MRTFA: variants seen among roughly 807,000 people sequenced by gnomAD.
MRTFA encodes the protein myocardin-related transcription factor A.
Under a neutral mutation model 83.5 loss-of-function variants are expected in MRTFA, and 20 were observed. The ratio of observed to expected loss-of-function variants is 0.24; its 90% confidence interval spans 0.17 to 0.35. The LOEUF (loss-of-function observed/expected upper bound fraction) is 0.35. Ranked by LOEUF, MRTFA falls within the 10% of genes least tolerant of loss-of-function variation. The pLI is 1.00. For synonymous variants in MRTFA, 659 were observed against 541.2 expected, an observed-to-expected ratio of 1.22 and a Z score of -3.02; for missense variants, 1,200 against 1,224.7, an observed-to-expected ratio of 0.98 and a Z score of 0.30.
intron 3 of MRTFA, among the ~76,000 whole-genome samples, chr22:40,506,030 G>A (rs1409265461): frequency 4.6e-5 from 7 of 152,096 alleles, no homozygotes; most frequent in African/African-American, 1.4e-4. Flanking sequence ...TCAGAAGATC[G>A]AGACCATCCT....
At position 40,418,875 on chromosome 22, in the gene MRTFA, G is replaced by A. The variant is rs772288792; in HGVS notation, c.1863C>T (p.Arg621=). The A allele has an allele frequency of 2.7e-5, 43 of 1,612,358 alleles. 1 individual carries two copies. The highest frequency in any genetic ancestry group is 1.3e-4 in the East Asian group (6 of 44,856). ...TCTCCTGCAGCATCTGGTCCTTGTC[G>A]CGCCCCTCTAGCTCCGCCCGCCCCC... The change falls in exon 12 of 15, where the codon CGC becomes CGT. Residue 621 remains arginine (R), a synonymous_variant. Coordinates refer to ENST00000355630, the MANE Select transcript of MRTFA (RefSeq NM_020831.6).
At chr22:40,629,847 G>A (rs1032559201) in intron 1 of MRTFA, among the ~76,000 whole-genome samples, 1 of 151,138 alleles carries the variant, frequency 6.6e-6, no homozygotes, top group African/African-American at 2.4e-5. Flanking sequence ...TACTCAGGAG[G>A]CAGAGGCAGA....
At chr22:40,430,866 AAAAAAAAAAAAAAAAGCGGGGGAAG>A (rs2053054849) in intron 6 of MRTFA, among the ~76,000 whole-genome samples, 1 of 151,610 alleles carries the variant, frequency 6.6e-6, no homozygotes, top group African/African-American at 2.4e-5. Context: ...ATCACAAAAA[AAAAAAAAAAAAAAAAGCGGGGGAAG>A]AAAAAAAAAA....
intron 3 of MRTFA, among the ~76,000 whole-genome samples, chr22:40,466,738 G>C (rs2053817811): frequency 6.6e-6 from 1 of 152,096 alleles, no homozygotes; most frequent in African/African-American, 2.4e-5. Flanking sequence ...GAATAATTTT[G>C]AAATATTAAC....
chr22:40,556,326 T>C (rs2055523962), intron 2 of MRTFA, among the ~76,000 whole-genome samples: 1 of 152,310 alleles, frequency 6.6e-6, no homozygotes, highest in African/African-American at 2.4e-5. Flanking sequence ...AAAAGACAAT[T>C]ATGATCTAAC....
intron 3 of MRTFA, among the ~76,000 whole-genome samples, chr22:40,476,192 A>G (rs1397634694): frequency 1.3e-5 from 2 of 151,640 alleles, no homozygotes; most frequent in Non-Finnish European, 2.9e-5. Flanking sequence ...CTTCATGATC[A>G]GTTGGTATTA....
At chr22:40,464,338 A>T (rs998788294) in intron 3 of MRTFA, among the ~76,000 whole-genome samples, 1 of 147,328 alleles carries the variant, frequency 6.8e-6, no homozygotes, top group Admixed American at 6.8e-5. Flanking sequence ...AAAAACAACT[A>T]TCTTTCTTTC....
chr22:40,429,775 T>C lies in MRTFA; in HGVS notation c.440-8A>G. On this transcript the variant is annotated splice_polypyrimidine_tract_variant and splice_region_variant and intron_variant, in intron 6 of 14. Transcript: ENST00000355630. ...ATGGCTCAGCCGAGGTCTCTGCCCA[T>C]GGGAGAGAAAGGGGTGCAGGAAGAT... is the stretch of plus-strand genomic sequence containing the variant. The C allele has an allele frequency of 1.2e-6, 2 of 1,605,150 alleles. No individual in the cohort carries two copies. The highest frequency in any genetic ancestry group is 1.7e-6 in the Non-Finnish European group (2 of 1,175,704).
At chr22:40,500,451 G>C (rs2054446514) in intron 3 of MRTFA, among the ~76,000 whole-genome samples, 1 of 142,768 alleles carries the variant, frequency 7.0e-6, no homozygotes, top group South Asian at 2.2e-4. Flanking sequence ...AGGGGGATTT[G>C]GCAGGGTCAT....
At chr22:40,501,887 G>A (rs2054484796) in intron 3 of MRTFA, among the ~76,000 whole-genome samples, 1 of 61,928 alleles carries the variant, frequency 1.6e-5, no homozygotes, top group African/African-American at 8.3e-5. Flanking sequence ...GGACGGGGCG[G>A]CTGGCCGGGC....
At chr22:40,567,124 T>G (rs944963361) in intron 2 of MRTFA, among the ~76,000 whole-genome samples, 7 of 152,224 alleles carry the variant, frequency 4.6e-5, no homozygotes, top group African/African-American at 1.7e-4. Flanking sequence ...AGACATTAAC[T>G]ACAAGGTAAT....
chr22:40,496,159 G>A (rs1406656728), intron 3 of MRTFA, among the ~76,000 whole-genome samples: 1 of 152,084 alleles, frequency 6.6e-6, no homozygotes, highest in East Asian at 1.9e-4. Flanking sequence ...CCACTTAGCA[G>A]CTGCTGTGAC....
intron 2 of MRTFA, among the ~76,000 whole-genome samples, chr22:40,562,727 GGGA>G (rs2055644575): frequency 3.6e-5 from 3 of 83,932 alleles, no homozygotes; most frequent in Non-Finnish European, 7.3e-5. Flanking sequence ...AGGGGGAAGG[GGGA>G]AGGGGGGAAG....
At chr22:40,557,934 C>A (rs1307387470) in intron 2 of MRTFA, among the ~76,000 whole-genome samples, 1 of 152,036 alleles carries the variant, frequency 6.6e-6, no homozygotes, top group Admixed American at 6.6e-5. Context: ...CCACCAGGCC[C>A]GGCTAATTTT....
intron 3 of MRTFA, among the ~76,000 whole-genome samples, chr22:40,463,791 A>G (rs1172093478): frequency 2.0e-5 from 3 of 152,168 alleles, no homozygotes; most frequent in African/African-American, 7.2e-5. Flanking sequence ...TCACCAAGCA[A>G]TGCCTTTTTC....
At chr22:40,474,924 C>T (rs1055052558) in intron 3 of MRTFA, among the ~76,000 whole-genome samples, 1 of 152,078 alleles carries the variant, frequency 6.6e-6, no homozygotes, top group African/African-American at 2.4e-5. Context: ...ATGCAGCCTC[C>T]GCCTCCCAGG....
intron 13 of MRTFA, 137 bp from the exon 14 acceptor site, chr22:40,417,183 C>T: frequency 7.3e-7 from 1 of 1,364,666 alleles, no homozygotes; most frequent in Non-Finnish European, 1.0e-6. Context: ...GCCCGGACTC[C>T]TGGAGCCCGT....
At chr22:40,625,210 T>C (rs1329860494) in intron 1 of MRTFA, among the ~76,000 whole-genome samples, 1 of 152,062 alleles carries the variant, frequency 6.6e-6, no homozygotes, top group Admixed American at 6.6e-5. Context: ...AAAGGCTCAG[T>C]GGCTCATGCC....
intron 3 of MRTFA, among the ~76,000 whole-genome samples, chr22:40,509,966 C>A (rs539626211): frequency 1.0e-5 from 1 of 95,860 alleles, no homozygotes; most frequent in Non-Finnish European, 2.1e-5. Context: ...AATCAAGAAA[C>A]AGCAGCCAAG....
Sources: allele counts gnomAD v4.1 joint callset (sites outside exome capture counted in the v4.1 genomes callset), GRCh38; gene constraint gnomAD v4.1.1; transcripts MANE v1.5; gene names NCBI Gene and HGNC (gene_info 2026-07-23, HGNC 2026-07-21).